OSBP: variants seen among roughly 807,000 people sequenced by gnomAD.
OSBP encodes the protein oxysterol-binding protein 1.
Under a neutral mutation model 96.6 loss-of-function variants are expected in OSBP, and 32 were observed. The ratio of observed to expected loss-of-function variants is 0.33; its 90% CI spans 0.25 to 0.45. OSBP has a LOEUF of 0.45. OSBP is among the 20% of genes least tolerant of loss of function. The pLI is 1.00. For synonymous variants in OSBP, 369 were observed against 389.6 expected (o/e 0.95, Z 0.62); for missense variants, 653 against 1,029.7 (o/e 0.63, Z 5.01).
At position 59,576,918 on chromosome 11, in the gene OSBP, A is replaced by C; in HGVS notation, c.2168T>G (p.Leu723Arg). 1 of 1,614,164 alleles carries C rather than the reference A, an allele frequency of 6.2e-7. No individual in the cohort carries two copies. Among genetic ancestry groups the C allele is most frequent in the Non-Finnish European group, 8.5e-7 (1 of 1,180,038 alleles). Reference sequence around the variant, plus strand: ...TTCATCCCAGCGTCCATTTTCCATCAGTCTCTGGTCAGGTCGTAACCGGCT... The same window carrying C: ...TTCATCCCAGCGTCCATTTTCCATCCGTCTCTGGTCAGGTCGTAACCGGCT... ...TDSRLRPDQR[L>R]MENGRWDEAN... The change falls in exon 13 of 14, where the codon CTG becomes CGG. Residue 723 changes from leucine (L) to arginine (R), a missense_variant. Leu to Arg is a moderately radical substitution (Grantham distance 102). Transcript: ENST00000263847.
chr11:59,601,617 T>C (rs1860725429), intron 4 of OSBP, 23 bp downstream of exon 4: 2 of 1,609,694 alleles, frequency 1.2e-6, no homozygotes, highest in Admixed American at 1.7e-5. Context: ...TAGACCAGGC[T>C]ACCTGAGAGC....
rs1195249727 is a variant in OSBP at position 59,580,183 on chromosome 11, T to C, written c.1869A>G (p.Val623=). 1 of 1,602,958 alleles carries C rather than the reference T, an allele frequency of 6.2e-7. No individual in the cohort carries two copies. The highest frequency in any genetic ancestry group is 1.7e-5 in the Admixed American group (1 of 59,992). Residue 623 remains valine, a synonymous_variant, in exon 11 of 14, where the codon GTA becomes GTG. Transcript: ENST00000263847. The part of the protein sequence containing the change: ...FVPYSYFSRD[V]ARKVTGEVTD... ...TTTCAACTTCCCTTACCTTTCTTGC[T>C]ACATCCCGAGAGAAGTAGCTATAAG...
At chr11:59,587,121 A>G (rs963237187) in intron 9 of OSBP, among the ~76,000 whole-genome samples, 4 of 152,224 alleles carry the variant, frequency 2.6e-5, no homozygotes, top group Non-Finnish European at 5.9e-5. Context: ...TGCAAATCAT[A>G]TATCTGATAA....
chr11:59,579,796 G>A (rs1032054732), intron 11 of OSBP, among the ~76,000 whole-genome samples: 16 of 150,832 alleles, frequency 1.1e-4, no homozygotes, highest in Admixed American at 9.9e-4. Flanking sequence ...ACTCACTGCA[G>A]CCTCTGCCTC....
At chr11:59,579,792 T>C (rs570943874) in intron 11 of OSBP, among the ~76,000 whole-genome samples, 2 of 152,144 alleles carry the variant, frequency 1.3e-5, no homozygotes, top group East Asian at 3.9e-4. Flanking sequence ...CGAGACTCAC[T>C]GCAGCCTCTG....
intron 3 of OSBP, among the ~76,000 whole-genome samples, chr11:59,602,529 G>C (rs1452382863): frequency 6.6e-6 from 1 of 152,198 alleles, no homozygotes; most frequent in Non-Finnish European, 1.5e-5. Context: ...TACTGGTTAT[G>C]AACATAAAGA....
chr11:59,604,248 G>A (rs1200702251), intron 3 of OSBP, among the ~76,000 whole-genome samples: 1 of 152,126 alleles, frequency 6.6e-6, no homozygotes, highest in Non-Finnish European at 1.5e-5. Context: ...ATTCAATAAG[G>A]TGTTAGTTAT....
intron 9 of OSBP, among the ~76,000 whole-genome samples, chr11:59,585,757 C>G (rs1443936094): frequency 6.6e-6 from 1 of 152,234 alleles, no homozygotes; most frequent in Non-Finnish European, 1.5e-5. Flanking sequence ...ACTGAGAAAT[C>G]AGATGGTTGC....
intron 12 of OSBP, 69 bp downstream of exon 12, chr11:59,578,080 A>C (rs1407195733): frequency 1.4e-6 from 2 of 1,441,542 alleles, no homozygotes; most frequent in Non-Finnish European, 1.9e-6. Context: ...GGCAGGCAGA[A>C]ATGCCTTCAA....
chr11:59,599,413 ATTT>A (rs544211100), intron 7 of OSBP, among the ~76,000 whole-genome samples: 1 of 148,078 alleles, frequency 6.8e-6, no homozygotes, highest in African/African-American at 2.5e-5. Context: ...TATATTTTGA[ATTT>A]TTTTTTTTGT....
chr11:59,610,669 C>G, intron 1 of OSBP, 80 bp from the exon 2 acceptor site: 1 of 1,121,056 alleles, frequency 8.9e-7, no homozygotes, highest in Non-Finnish European at 1.3e-6. Context: ...TTTCATAACT[C>G]TGAGCTCCCT....
In OSBP at chr11:59,574,519, A is replaced by G. The variant is rs545589507; in HGVS notation, c.*2058T>C. 6.5e-6 allele frequency: 1 copy of G among 152,756 alleles called. No individual in the cohort carries two copies. Among genetic ancestry groups the G allele is most frequent in the African/African-American group, 2.4e-5 (1 of 41,580 alleles). 9.5% of individuals were successfully genotyped at this position (152,756 alleles called of 1,614,324 possible). A position where few individuals can be genotyped will look rare whatever the true frequency, so the allele number is the denominator to read the frequency against. On this transcript the variant is annotated 3_prime_UTR_variant, in exon 14 of 14. Transcript: ENST00000263847. Reference sequence around the variant, plus strand: ...TTCATGTGACTTTATTCCACCTGAAAGATTCTAAACTTCTTCCATTAGCGG... The same window carrying G: ...TTCATGTGACTTTATTCCACCTGAAGGATTCTAAACTTCTTCCATTAGCGG...
intron 11 of OSBP, among the ~76,000 whole-genome samples, 173 bp downstream of exon 11, chr11:59,580,001 C>T (rs1241619090): frequency 6.6e-6 from 1 of 152,046 alleles, no homozygotes; most frequent in African/African-American, 2.4e-5. Context: ...TGTGAGCCAC[C>T]GCGCCCAGCC....
intron 9 of OSBP, among the ~76,000 whole-genome samples, chr11:59,584,776 T>C (rs1313829499): frequency 6.6e-6 from 1 of 152,074 alleles, no homozygotes; most frequent in African/African-American, 2.4e-5. Context: ...AACATAGTAC[T>C]GGAAGTTTTA....
intron 11 of OSBP, 60 bp downstream of exon 11, chr11:59,580,114 G>A: frequency 9.2e-7 from 1 of 1,086,422 alleles, no homozygotes. Flanking sequence ...AGTCCTAAAG[G>A]AGTATGCTTT....
intron 7 of OSBP, 79 bp downstream of exon 7, chr11:59,600,417 G>A (rs1860708725): frequency 6.9e-7 from 1 of 1,444,634 alleles, no homozygotes; most frequent in East Asian, 2.3e-5. Flanking sequence ...ACAAGTGGGT[G>A]GGGCTGTCAT....
At chr11:59,607,334 C>T (rs530814172) in intron 3 of OSBP, among the ~76,000 whole-genome samples, 5 of 152,316 alleles carry the variant, frequency 3.3e-5, no homozygotes, top group African/African-American at 1.2e-4. Context: ...GACTGGCTGA[C>T]TGGTCAGTCC....
At position 59,574,478 on chromosome 11, in the gene OSBP, A is replaced by G. The variant is rs563207100; in HGVS notation, c.*2099T>C. 1 of 152,252 alleles carries G rather than the reference A, an allele frequency of 6.6e-6. No homozygotes were observed. Among genetic ancestry groups the G allele is most frequent in the Non-Finnish European group, 1.5e-5 (1 of 67,940 alleles). 9.4% of individuals were successfully genotyped at this position (152,252 alleles called of 1,614,324 possible). ...TAAGGCAAAAAAACTGAAAATATAT[A>G]TAGTTGTGTTTTGTTTTCATGTGAC... is the stretch of plus-strand genomic sequence containing the variant. On this transcript the variant is annotated 3_prime_UTR_variant, in exon 14 of 14. Transcript: ENST00000263847.
At chr11:59,582,608 C>A (rs1860434671) in intron 9 of OSBP, among the ~76,000 whole-genome samples, 2 of 152,080 alleles carry the variant, frequency 1.3e-5, no homozygotes, top group African/African-American at 4.8e-5. Context: ...AATTATCAAA[C>A]CTGAGGTAGT....
Sources: gnomAD v4.1 joint callset for allele counts (sites outside exome capture counted in the v4.1 genomes callset) on GRCh38, gnomAD v4.1.1 for gene constraint, MANE v1.5 for transcripts, NCBI Gene and HGNC (gene_info 2026-07-23, HGNC 2026-07-21) for gene names.